The following PARP4 variants were observed in gnomAD, a reference collection of about 807,000 sequenced individuals.
PARP4 encodes the protein poly(ADP-ribose) polymerase family member 4, also known as protein mono-ADP-ribosyltransferase PARP4.
Under a neutral mutation model 187.7 loss-of-function variants are expected in PARP4, and 120 were observed. The ratio of observed to expected loss-of-function variants is 0.64; its 90% CI spans 0.55 to 0.74. The LOEUF is 0.74. Among genes scored for constraint, PARP4 ranks in the 30% least tolerant of loss-of-function variants. The pLI is 0.00. For synonymous variants in PARP4, 654 were observed against 740.9 expected (o/e 0.88, Z 1.90); for missense variants, 1,836 against 2,070.5 (o/e 0.89, Z 2.20).
intron 21 of PARP4, among the ~76,000 whole-genome samples, chr13:24,455,754 A>G (rs1871811389): frequency 6.6e-6 from 1 of 150,722 alleles, no homozygotes; most frequent in South Asian, 2.1e-4. Context: ...AGAAGCTGAA[A>G]CCACAGGTGT....
rs894086682 is a variant in PARP4, at chr13:24,460,415, G to A, written c.2134-279C>T. ...GCACTCATGGACTCTGCCCCAGGGG[G>A]CTCTCATGTGTGAGCTCTCTGCACA... On this transcript the variant is annotated intron_variant, in intron 17 of 33. Transcript: ENST00000381989. Among the ~76,000 whole-genome samples, 6 of 152,230 alleles carry A rather than the reference G, an allele frequency of 3.9e-5. No individual in the cohort carries two copies. The East Asian group carries it at 1.2e-3, about 30-fold the overall frequency.
intron 17 of PARP4, among the ~76,000 whole-genome samples, chr13:24,466,317 G>A (rs1182343102): frequency 2.0e-5 from 3 of 152,052 alleles, no homozygotes; most frequent in Admixed American, 6.6e-5. Flanking sequence ...AAGTAGCTGG[G>A]ACTACAGGCA....
At chr13:24,495,047 G>T (rs1190132334) in intron 6 of PARP4, among the ~76,000 whole-genome samples, 6 of 151,674 alleles carry the variant, frequency 4.0e-5, no homozygotes, top group Non-Finnish European at 5.9e-5. Context: ...AATTTTTTTT[G>T]TATTTTTTTG....
chr13:24,464,080 C>G (rs1566003431), intron 17 of PARP4, among the ~76,000 whole-genome samples: 1 of 152,102 alleles, frequency 6.6e-6, no homozygotes, highest in Admixed American at 6.6e-5. Context: ...CATAGGAATA[C>G]AGCTAGCAAG....
chr13:24,432,842 T>C (rs1348414391), intron 31 of PARP4, among the ~76,000 whole-genome samples: 2 of 152,150 alleles, frequency 1.3e-5, no homozygotes, highest in Non-Finnish European at 2.9e-5. Context: ...TTGGGGATAT[T>C]AACCTCAACG....
intron 1 of PARP4, among the ~76,000 whole-genome samples, chr13:24,504,579 A>G (rs1869506395): frequency 6.6e-6 from 1 of 151,876 alleles, no homozygotes; most frequent in Non-Finnish European, 1.5e-5. Flanking sequence ...GTGAGCCACC[A>G]CACCCAGCCT....
chr13:24,496,657 G>A (rs963348612), intron 6 of PARP4, among the ~76,000 whole-genome samples: 9 of 152,162 alleles, frequency 5.9e-5, no homozygotes, highest in Non-Finnish European at 1.2e-4. Flanking sequence ...GGGAACAAAG[G>A]GAAAAGCTCC....
chr13:24,468,319 G>A (rs557565159), intron 17 of PARP4, among the ~76,000 whole-genome samples: 10 of 152,114 alleles, frequency 6.6e-5, no homozygotes, highest in African/African-American at 1.2e-4. Flanking sequence ...AGGAGGACCC[G>A]GCAGAAATGC....
intron 31 of PARP4, among the ~76,000 whole-genome samples, chr13:24,431,831 T>C (rs981751154): frequency 2.6e-5 from 4 of 152,280 alleles, no homozygotes; most frequent in African/African-American, 9.6e-5. Context: ...ATAAATGCTA[T>C]GAACACTACA....
At position 24,486,205 on chromosome 13, in the gene PARP4, C is replaced by A. The variant is rs753044911; in HGVS notation, c.1315G>T (p.Gly439Cys). Residue 439 changes from glycine (G) to cysteine (C), a missense_variant, in exon 11 of 34, where the codon GGT becomes TGT. Physicochemically the swap from Gly to Cys is radical, Grantham distance 159. Transcript: ENST00000381989. ...CCCACGATGTTTTGTACAGGAGAAC[C>A]ATGCAACAAGGGCCTCACATTACCA... The part of the protein sequence containing the change: ...KLGNVRPLLH[G>C]SPVQNIVGIL... 5 of 1,613,896 alleles carry A rather than the reference C, an allele frequency of 3.1e-6. No homozygotes were observed. Among genetic ancestry groups the A allele is most frequent in the Non-Finnish European group, 4.2e-6 (5 of 1,179,928 alleles).
intron 12 of PARP4, among the ~76,000 whole-genome samples, chr13:24,481,783 C>T (rs1452022109): frequency 6.6e-6 from 1 of 152,148 alleles, no homozygotes; most frequent in African/African-American, 2.4e-5. Context: ...TTGAGTTCAG[C>T]AGTTTGAGGT....
chr13:24,508,599 C>T (rs9553325), intron 1 of PARP4, among the ~76,000 whole-genome samples: 25,096 of 152,124 alleles, frequency 0.16, 2,311 homozygotes, highest in East Asian at 0.3. Context: ...CGGCACCCTC[C>T]GCCTCCCGGG....
intron 17 of PARP4, among the ~76,000 whole-genome samples, chr13:24,462,821 C>G (rs7992667): frequency 0.51 from 77,409 of 151,982 alleles, 20,032 homozygotes; most frequent in South Asian, 0.65. Flanking sequence ...TGAACTTGAA[C>G]CTAGGTCAAT....
At chr13:24,443,270 G>A (rs944903309) in intron 28 of PARP4, among the ~76,000 whole-genome samples, 1 of 151,354 alleles carries the variant, frequency 6.6e-6, no homozygotes, top group Non-Finnish European at 1.5e-5. Context: ...GTGGGCTTTG[G>A]CAGGTCACTC....
At chr13:24,503,530 G>A (rs1174677995) in intron 2 of PARP4, 115 bp downstream of exon 2, 5 of 1,253,988 alleles carry the variant, frequency 4.0e-6, no homozygotes, top group South Asian at 4.0e-5. Context: ...GATGAACTTC[G>A]AGTAGCTCAC....
Position 24,426,539 on chromosome 13 carries a change from T to C in PARP4, c.4906A>G (p.Ile1636Val). Reference protein sequence around the residue: ...LIATMLVLQFIRTRLEKEGIV... With the variant: ...LIATMLVLQFVRTRLEKEGIV... ...CCCTCTTTTTCCAACCTGGTGCGAA[T>C]AAACTGTAGTACCAGCATTGTGGCA... Residue 1636 changes from isoleucine to valine, a missense_variant, in exon 33 of 34, where the codon ATT (isoleucine) becomes GTT (valine). Physicochemically the swap from Ile to Val is conservative, Grantham distance 29. This residue lies in a region of PARP4 where 45 missense variants were observed against 53.1 expected (regional missense o/e 0.85). Coordinates refer to ENST00000381989, the MANE Select transcript of PARP4 (RefSeq NM_006437.4). The C allele has an allele frequency of 6.2e-7, 1 of 1,611,606 alleles. No homozygotes were observed. The highest frequency in any genetic ancestry group is 1.8e-4 in the Middle Eastern group (1 of 5,700).
chr13:24,425,565 GTGTGTA>G (rs1422442684), intron 33 of PARP4, among the ~76,000 whole-genome samples: 1 of 132,888 alleles, frequency 7.5e-6, no homozygotes, highest in African/African-American at 2.9e-5. Context: ...GTGTGTGTGT[GTGTGTA>G]TATCTATATC....
At chr13:24,493,823 A>T in intron 7 of PARP4, 90 bp from the exon 8 acceptor site, 1 of 1,290,180 alleles carries the variant, frequency 7.8e-7, no homozygotes, top group Non-Finnish European at 1.1e-6. Context: ...AGGTGTGAGG[A>T]GAAATAATTG....
rs577339940 is a variant in PARP4 at position 24,504,755 on chromosome 13, G to A, written c.-1-978C>T. On this transcript the variant is annotated intron_variant, in intron 1 of 33. Coordinates refer to ENST00000381989, the MANE Select transcript of PARP4 (RefSeq NM_006437.4). Reference sequence around the variant, plus strand: ...GTCACCCACGCTGGAGTGCACTATTGCAATTTTGGCTTACTGCAACCTCCA... The same window carrying A: ...GTCACCCACGCTGGAGTGCACTATTACAATTTTGGCTTACTGCAACCTCCA... Among the ~76,000 whole-genome samples the A allele has an allele frequency of 8.7e-5, 13 of 150,176 alleles. No homozygotes were observed. The South Asian group carries it at 2.3e-3, about 27-fold the overall frequency.
Sources: gnomAD v4.1 joint callset for allele counts (sites outside exome capture counted in the v4.1 genomes callset) on GRCh38, gnomAD v4.1.1 for gene constraint, gnomAD v4.1.1 regional missense constraint, MANE v1.5 for transcripts, NCBI Gene and HGNC (gene_info 2026-07-23, HGNC 2026-07-21) for gene names.